Variants in ROCK1 observed in about 807,000 individuals in gnomAD.
ROCK1 encodes the protein rho-associated protein kinase 1.
A neutral mutation model predicts 196.8 loss-of-function variants in ROCK1; 36 were observed. The observed-to-expected ratio is 0.18, with a 90% confidence interval of 0.14 to 0.24. ROCK1 has a LOEUF of 0.24. Among genes scored for constraint, ROCK1 ranks in the 10% least tolerant of loss-of-function variants. The pLI, the probability that ROCK1 is intolerant of heterozygous loss-of-function variation, is 1.00. For missense variants in ROCK1, 920 were observed against 1,562.0 expected, an observed-to-expected ratio of 0.59 and a Z score of 6.93; for synonymous variants, 443 against 515.9, an observed-to-expected ratio of 0.86 and a Z score of 1.91.
At chr18:20,955,987 C>T (rs1459423179) in intron 29 of ROCK1, among the ~76,000 whole-genome samples, 1 of 152,170 alleles carries the variant, frequency 6.6e-6, no homozygotes, top group Non-Finnish European at 1.5e-5. Flanking sequence ...CACAGGGACA[C>T]TTGTGATGGA....
At chr18:21,097,724 A>C (rs2036623921) in intron 1 of ROCK1, among the ~76,000 whole-genome samples, 1 of 152,232 alleles carries the variant, frequency 6.6e-6, no homozygotes, top group Non-Finnish European at 1.5e-5. Context: ...ACATCTACTA[A>C]ATGTTGTGAA....
chr18:21,013,591 C>T (rs2035837309), intron 13 of ROCK1, among the ~76,000 whole-genome samples: 1 of 151,446 alleles, frequency 6.6e-6, no homozygotes, highest in Non-Finnish European at 1.5e-5. Flanking sequence ...AGTGTAGATT[C>T]CCCACATGGT....
chr18:21,091,937 G>A (rs566948456), intron 1 of ROCK1, among the ~76,000 whole-genome samples: 1 of 152,232 alleles, frequency 6.6e-6, no homozygotes, highest in South Asian at 2.1e-4. Flanking sequence ...CCGAGATCAT[G>A]CCACTGCACT....
Position 21,070,607 on chromosome 18 carries a change from A to G in ROCK1, c.100T>C (p.Leu34=), listed in dbSNP as rs1020269812. 1.9e-6 allele frequency: 3 copies of G among 1,604,228 alleles called. No individual in the cohort carries two copies. Among genetic ancestry groups the G allele is most frequent in the African/African-American group, 2.7e-5 (2 of 74,642 alleles). The change falls in exon 2 of 33, where the codon TTG becomes CTG. Residue 34 remains leucine, a synonymous_variant. Transcript: ENST00000399799. ...TCCAAATCATATACCAAAGCATCCA[A>G]TCCATCCTAAAGAAACAAACAAACA... The part of the protein sequence containing the change: ...EVNSDCLLDG[L]DALVYDLDFP...
Position 21,080,893 on chromosome 18 carries a change from G to T in ROCK1, c.94-10280C>A, listed in dbSNP as rs1185803099. ...GCAAACATTGAAAGAATTTAAGAAA[G>T]AAATACATAGTTCTACAAATAGTTG... On this transcript the variant is annotated intron_variant, in intron 1 of 32. Transcript: ENST00000399799. 2.0e-5 allele frequency among the ~76,000 whole-genome samples: 3 copies of T among 152,134 alleles called. No individual in the cohort carries two copies. The East Asian group carries it at 5.8e-4, about 29-fold the overall frequency.
chr18:21,081,175 C>T (rs2036479859), intron 1 of ROCK1, among the ~76,000 whole-genome samples: 1 of 152,052 alleles, frequency 6.6e-6, no homozygotes, highest in Non-Finnish European at 1.5e-5. Flanking sequence ...GTATCTTTTC[C>T]AATCACAATG....
intron 29 of ROCK1, among the ~76,000 whole-genome samples, chr18:20,959,248 G>GTCT (rs2035302576): frequency 9.4e-6 from 1 of 106,266 alleles, no homozygotes; most frequent in African/African-American, 3.6e-5. Context: ...TTTCGCTCTT[G>GTCT]TGGCCCAGGC....
Position 21,070,536 on chromosome 18 carries a change from G to A in ROCK1, c.171C>T (p.Ser57=). 6.4e-7 allele frequency: 1 copy of A among 1,570,966 alleles called. No homozygotes were observed. Among genetic ancestry groups the A allele is most frequent in the Non-Finnish European group, 8.7e-7 (1 of 1,145,014 alleles). The change falls in exon 2 of 33, where the codon AGC becomes AGT. Residue 57 remains serine, a synonymous_variant. Transcript: ENST00000399799. ...CCTCCACAAAAAATTACTTACATCT[G>A]CTTAAAAAGTTGTCAATATTTTTGT... ...RKNKNIDNFL[S]RYKDTINKIR... is the part of the protein sequence containing the mutation.
chr18:20,997,656 G>A (rs968247039), intron 16 of ROCK1, among the ~76,000 whole-genome samples: 2 of 152,088 alleles, frequency 1.3e-5, no homozygotes, highest in Non-Finnish European at 2.9e-5. Flanking sequence ...AATATTTACA[G>A]AACATTTCAT....
At chr18:21,011,172 T>C (rs2035813796) in intron 13 of ROCK1, among the ~76,000 whole-genome samples, 1 of 152,194 alleles carries the variant, frequency 6.6e-6, no homozygotes, top group South Asian at 2.1e-4. Context: ...ATGTCATTAT[T>C]GGTAGTATGT....
At chr18:21,048,019 G>C (rs2036175640) in intron 4 of ROCK1, among the ~76,000 whole-genome samples, 2 of 152,056 alleles carry the variant, frequency 1.3e-5, no homozygotes, top group African/African-American at 4.8e-5. Flanking sequence ...ACATGAAGCT[G>C]AACTCATAAA....
At chr18:21,027,580 C>G (rs1451770725) in intron 10 of ROCK1, among the ~76,000 whole-genome samples, 1 of 151,910 alleles carries the variant, frequency 6.6e-6, no homozygotes, top group Non-Finnish European at 1.5e-5. Context: ...TTTACTTAAA[C>G]CTTATAACAA....
At chr18:21,004,583 A>G (rs1435273650) in intron 16 of ROCK1, among the ~76,000 whole-genome samples, 1 of 152,212 alleles carries the variant, frequency 6.6e-6, no homozygotes, top group Non-Finnish European at 1.5e-5. Context: ...GTTAAAAACC[A>G]CTGTTGATAG....
At chr18:20,993,951 G>A (rs2035648590) in intron 16 of ROCK1, among the ~76,000 whole-genome samples, 1 of 152,148 alleles carries the variant, frequency 6.6e-6, no homozygotes, top group Admixed American at 6.5e-5. Context: ...TAAAACTTCT[G>A]TACTACTCAA....
intron 1 of ROCK1, among the ~76,000 whole-genome samples, chr18:21,095,209 T>C (rs1352949401): frequency 1.3e-5 from 2 of 150,832 alleles, no homozygotes; most frequent in African/African-American, 4.9e-5. Context: ...GAGGCAATAA[T>C]GAATACAACT....
At chr18:21,107,922 T>C (rs2036717246) in intron 1 of ROCK1, among the ~76,000 whole-genome samples, 1 of 152,016 alleles carries the variant, frequency 6.6e-6, no homozygotes, top group African/African-American at 2.4e-5. Flanking sequence ...GGCGTGGTAG[T>C]GCACGCGTGT....
intron 16 of ROCK1, among the ~76,000 whole-genome samples, chr18:21,003,132 T>C (rs1438828279): frequency 6.6e-6 from 1 of 152,162 alleles, no homozygotes; most frequent in Non-Finnish European, 1.5e-5. Flanking sequence ...TCTCTAGATC[T>C]AACGTCTAGT....
Position 21,039,465 on chromosome 18 carries a change from A to C in ROCK1, c.1051+7T>G. The stretch of plus-strand genomic sequence containing the variant: ...CACTAAAATATGAAAGAAAAAAAAA[A>C]ACTTACTGTCTCGGAGCGTTTCCCA... On this transcript the variant is annotated splice_region_variant and intron_variant, in intron 9 of 32. Transcript: ENST00000399799. The C allele has an allele frequency of 6.3e-7, 1 of 1,596,462 alleles. No homozygotes were observed. The highest frequency in any genetic ancestry group is 8.5e-7 in the Non-Finnish European group (1 of 1,171,938).
At chr18:21,083,563 G>C (rs539654045) in intron 1 of ROCK1, among the ~76,000 whole-genome samples, 2 of 152,150 alleles carry the variant, frequency 1.3e-5, no homozygotes, top group African/African-American at 2.4e-5. Flanking sequence ...GAAACAGCAA[G>C]ACCAACTCCT....
Sources: gnomAD v4.1 joint callset for allele counts (sites outside exome capture counted in the v4.1 genomes callset) on GRCh38, gnomAD v4.1.1 for gene constraint, MANE v1.5 for transcripts, NCBI Gene and HGNC (gene_info 2026-07-23, HGNC 2026-07-21) for gene names.